The following RAI1 variants were observed in gnomAD, a reference collection of about 807,000 sequenced individuals.
RAI1 encodes retinoic acid induced 1.
Under a neutral mutation model 123.8 loss-of-function variants are expected in RAI1, and 9 were observed. The observed-to-expected ratio is 0.07, with a 90% CI of 0.04 to 0.13. The LOEUF (loss-of-function observed/expected upper bound fraction) is 0.13, where lower values mean the gene tolerates loss of function less well. RAI1 is among the 10% of genes least tolerant of loss of function. The pLI is 1.00. For missense variants in RAI1, 2,256 were observed against 2,545.8 expected (o/e 0.89, Z 2.45); for synonymous variants, 1,231 against 1,127.3 (o/e 1.09, Z -1.84).
intron 2 of RAI1, among the ~76,000 whole-genome samples, chr17:17,725,354 G>A (rs1048902182): frequency 3.9e-5 from 6 of 152,100 alleles, no homozygotes; most frequent in African/African-American, 1.2e-4. Context: ...ATCCTCAGCA[G>A]ACGCTGCTCC....
chr17:17,775,000 G>A (rs1384635277), intron 2 of RAI1, among the ~76,000 whole-genome samples: 2 of 152,034 alleles, frequency 1.3e-5, no homozygotes, highest in African/African-American at 4.8e-5. Context: ...TTGGGGCCCA[G>A]AAAAGCCCAG....
At position 17,810,931 on chromosome 17, in the gene RAI1, GTA is replaced by G. The variant is rs2032745136; in HGVS notation, c.*956_*957del. 1 of 356,458 alleles carries G rather than the reference GTA, an allele frequency of 2.8e-6. No individual in the cohort carries two copies. Among genetic ancestry groups the G allele is most frequent in the Admixed American group, 3.4e-5 (1 of 29,286 alleles). The allele number at this position is 356,458 out of a possible 1,614,324, so 22.1% of individuals were successfully genotyped here. A position where few individuals can be genotyped will look rare whatever the true frequency, so the allele number is the denominator to read the frequency against. On this transcript the variant is annotated 3_prime_UTR_variant, in exon 6 of 6. Coordinates refer to ENST00000353383, the MANE Select transcript of RAI1 (RefSeq NM_030665.4). The surrounding 1 kb of genome is among the most constrained non-coding windows in gnomAD (Gnocchi z 4.6). The stretch of plus-strand genomic sequence containing the variant: ...CCTCTATATATATGTTACATAGAAT[GTA>G]TATATGTTGGGAACATGCTCGCTTC...
intron 1 of RAI1, chr17:17,683,452 G>C (rs983169111): frequency 6.6e-6 from 1 of 152,280 alleles, no homozygotes; most frequent in Non-Finnish European, 1.5e-5. Context: ...TGACCACACA[G>C]CTGGGTTTTC....
chr17:17,686,853 C>T (rs1337629257), intron 1 of RAI1, among the ~76,000 whole-genome samples: 1 of 152,042 alleles, frequency 6.6e-6, no homozygotes, highest in African/African-American at 2.4e-5. Flanking sequence ...TGCCTTCCTT[C>T]GTCTGTCCAG....
At chr17:17,774,213 G>A (rs2031258852) in intron 2 of RAI1, among the ~76,000 whole-genome samples, 1 of 152,216 alleles carries the variant, frequency 6.6e-6, no homozygotes, top group Admixed American at 6.5e-5. Context: ...TGGGTTCTTT[G>A]CTCAACCCTG....
intron 2 of RAI1, among the ~76,000 whole-genome samples, chr17:17,733,536 T>G (rs1398716659): frequency 6.6e-6 from 1 of 152,052 alleles, no homozygotes. Context: ...CCATTGTGGG[T>G]GCTTTTATTC....
chr17:17,794,046 C>T lies in RAI1; in HGVS notation c.1098C>T (p.Asn366=). The T allele has an allele frequency of 1.2e-6, 2 of 1,614,020 alleles. No homozygotes were observed. The highest frequency in any genetic ancestry group is 1.7e-6 in the Non-Finnish European group (2 of 1,180,022). Residue 366 remains asparagine (N), a synonymous_variant, in exon 3 of 6, where the codon AAC becomes AAT. Transcript: ENST00000353383. The stretch of plus-strand genomic sequence containing the variant: ...CCACACCGTCGCCGCTGATGCCAAA[C>T]CTGGAGAACTTTCCCTACAGCCAGC... ...YSSTPSPLMP[N]LENFPYSQQP...
Position 17,773,371 on chromosome 17 carries a change from G to A in RAI1, c.-16-19562G>A, listed in dbSNP as rs149169605. 1.4e-3 allele frequency among the ~76,000 whole-genome samples: 218 copies of A among 152,240 alleles called. 1 individual carries two copies. The highest frequency in any genetic ancestry group is 2.3e-3 in the Non-Finnish European group (159 of 68,008). On this transcript the variant is annotated intron_variant, in intron 2 of 5. Transcript: ENST00000353383. ...ATGGGACAGAACAAGGTTGCTTGGCGTCCCTGCAGCCCAAGGGCTCCCTTC... is the reference window on the plus strand; with the variant it reads ...ATGGGACAGAACAAGGTTGCTTGGCATCCCTGCAGCCCAAGGGCTCCCTTC...
chr17:17,752,015 A>C (rs547980969), intron 2 of RAI1, among the ~76,000 whole-genome samples: 5 of 152,010 alleles, frequency 3.3e-5, no homozygotes, highest in Non-Finnish European at 7.4e-5. Context: ...GCACCCGAAC[A>C]TAGTAGGCAC....
Position 17,793,643 on chromosome 17 carries a change from G to A in RAI1, c.695G>A (p.Gly232Glu), listed in dbSNP as rs1367827565. Residue 232 changes from glycine (G) to glutamate (E), a missense_variant, in exon 3 of 6, where the codon GGG becomes GAG. Around this residue, in one of 7 missense-constraint regions of RAI1, gnomAD observed 336 missense variants for 349.8 expected, o/e 0.96. Transcript: ENST00000353383. ...YSSSVQGGGQ[G>E]AHSYKSCTAP... The stretch of plus-strand genomic sequence containing the variant: ...TCCTCTGTCCAGGGTGGTGGGCAGG[G>A]GGCCCACTCCTATAAGAGTTGCACA... 1.2e-6 allele frequency: 2 copies of A among 1,613,258 alleles called. No homozygotes were observed. Among genetic ancestry groups the A allele is most frequent in the Admixed American group, 3.3e-5 (2 of 60,020 alleles).
rs759240505 is a variant in RAI1, at chr17:17,793,752, C to A, written c.804C>A (p.Ala268=). 6.2e-7 allele frequency: 1 copy of A among 1,612,510 alleles called. No individual in the cohort carries two copies. Among genetic ancestry groups the A allele is most frequent in the Non-Finnish European group, 8.5e-7 (1 of 1,179,992 alleles). Residue 268 remains alanine (A), a synonymous_variant, in exon 3 of 6, where the codon GCC becomes GCA. Coordinates refer to ENST00000353383, the MANE Select transcript of RAI1 (RefSeq NM_030665.4). ...APGQRVQNLH[A]YQSGRLSYDQ... Reference sequence around the variant, plus strand: ...GGCAGCGGGTCCAGAATCTTCATGCCTACCAGTCGGGCCGCCTCAGCTATG... The same window carrying A: ...GGCAGCGGGTCCAGAATCTTCATGCATACCAGTCGGGCCGCCTCAGCTATG...
At position 17,810,797 on chromosome 17, in the gene RAI1, CCTCCGG is replaced by C. The variant is rs1273154916; in HGVS notation, c.*824_*829del. On this transcript the variant is annotated 3_prime_UTR_variant, in exon 6 of 6. Transcript: ENST00000353383. The surrounding 1 kb of genome is among the most constrained non-coding windows in gnomAD (Gnocchi z 4.6). ...AAACCCAAGAAGCGGCCAGAACGCACCTCCGGCTCCGGCGGACGCGCGACCGTTGTG... is the reference window on the plus strand; with the variant it reads ...AAACCCAAGAAGCGGCCAGAACGCACCTCCGGCGGACGCGCGACCGTTGTG... 6 of 454,906 alleles carry C rather than the reference CCTCCGG, an allele frequency of 1.3e-5. No individual in the cohort carries two copies. The highest frequency in any genetic ancestry group is 2.7e-5 in the Non-Finnish European group (6 of 225,720). The allele number at this position is 454,906 out of a possible 1,614,324, so 28.2% of individuals were successfully genotyped here.
chr17:17,741,160 C>T (rs1285426237), intron 2 of RAI1, among the ~76,000 whole-genome samples: 3 of 152,148 alleles, frequency 2.0e-5, no homozygotes, highest in African/African-American at 4.8e-5. Flanking sequence ...TAAGCGCACA[C>T]GTACACGCAC....
At chr17:17,696,840 C>A (rs1390798977) in intron 1 of RAI1, among the ~76,000 whole-genome samples, 2 of 152,206 alleles carry the variant, frequency 1.3e-5, no homozygotes, top group African/African-American at 4.8e-5. Context: ...CAGACCTTGG[C>A]CTCATCCTCA....
At chr17:17,694,869 G>A (rs1914966414) in intron 1 of RAI1, among the ~76,000 whole-genome samples, 1 of 152,004 alleles carries the variant, frequency 6.6e-6, no homozygotes, top group East Asian at 1.9e-4. Flanking sequence ...GGCGGATCCC[G>A]GGTCTTTTTC....
chr17:17,717,952 C>T (rs1362937490), intron 1 of RAI1, among the ~76,000 whole-genome samples: 2 of 152,176 alleles, frequency 1.3e-5, no homozygotes. Context: ...GGATGGCCTC[C>T]TGCAGTCAAG....
rs142109512 is a variant in RAI1 at position 17,690,551 on chromosome 17, C to T, written c.-149+8758C>T. Reference sequence around the variant, plus strand: ...AGCCCGTTTCCTCCTTCATCAAAGGCGAAAGTAATAGTACCTATTTCATAG... The same window carrying T: ...AGCCCGTTTCCTCCTTCATCAAAGGTGAAAGTAATAGTACCTATTTCATAG... On this transcript the variant is annotated intron_variant, in intron 1 of 5. Transcript: ENST00000353383. 1.1e-4 allele frequency among the ~76,000 whole-genome samples: 16 copies of T among 152,230 alleles called. 1 individual carries two copies. In the South Asian group the frequency reaches 1.9e-3, roughly 18 times the overall value.
chr17:17,707,156 A>G (rs775908181), intron 1 of RAI1, among the ~76,000 whole-genome samples: 70 of 152,296 alleles, frequency 4.6e-4, no homozygotes, highest in Non-Finnish European at 8.1e-4. Context: ...CAAAAAATAC[A>G]TAAATTAGCT....
intron 1 of RAI1, among the ~76,000 whole-genome samples, chr17:17,699,635 G>C (rs565025522): frequency 3.4e-5 from 5 of 147,972 alleles, no homozygotes; most frequent in Non-Finnish European, 4.5e-5. Context: ...GGGCCGGGGG[G>C]GGGGGAATCA....
Sources: allele counts gnomAD v4.1 joint callset (sites outside exome capture counted in the v4.1 genomes callset), GRCh38; gene constraint gnomAD v4.1.1; regional missense constraint gnomAD v4.1.1; non-coding constraint Gnocchi (gnomAD v3.1); transcripts MANE v1.5; gene names NCBI Gene and HGNC (gene_info 2026-07-23, HGNC 2026-07-21).